CNTNAP2: variants seen among roughly 807,000 people sequenced by gnomAD.
The protein encoded by CNTNAP2 is contactin associated protein 2.
Under a neutral mutation model 155.2 loss-of-function variants are expected in CNTNAP2, and 98 were observed. The ratio of observed to expected loss-of-function variants is 0.63; its 90% CI spans 0.54 to 0.75. The LOEUF (loss-of-function observed/expected upper bound fraction) is 0.75, where lower values mean the gene tolerates loss of function less well. Among genes scored for constraint, CNTNAP2 ranks in the 30% least tolerant of loss-of-function variants. The pLI is 0.00. For synonymous variants in CNTNAP2, 651 were observed against 631.2 expected, an observed-to-expected ratio of 1.03 and a Z score of -0.47; for missense variants, 1,727 against 1,688.1, an observed-to-expected ratio of 1.02 and a Z score of -0.40.
intron 2 of CNTNAP2, among the ~76,000 whole-genome samples, chr7:146,822,660 TATAA>T (rs1233120980): frequency 6.8e-6 from 1 of 147,900 alleles, no homozygotes; most frequent in Admixed American, 6.8e-5. Flanking sequence ...AATATTTAAA[TATAA>T]ATATACTTAT....
At chr7:148,266,622 G>A (rs186987883) in intron 20 of CNTNAP2, among the ~76,000 whole-genome samples, 53 of 152,256 alleles carry the variant, frequency 3.5e-4, no homozygotes, top group Non-Finnish European at 6.3e-4. Context: ...GTGTATGTGT[G>A]TGTGTGTGAT....
intron 14 of CNTNAP2, among the ~76,000 whole-genome samples, chr7:147,909,012 A>G (rs1407993561): frequency 6.6e-6 from 1 of 152,224 alleles, no homozygotes; most frequent in Admixed American, 6.5e-5. Context: ...TGAAAGTTTA[A>G]AATTACAGTG....
chr7:147,364,646 G>A (rs1322355032), intron 9 of CNTNAP2, among the ~76,000 whole-genome samples: 2 of 152,146 alleles, frequency 1.3e-5, no homozygotes, highest in African/African-American at 4.8e-5. Context: ...TCAGGAGATT[G>A]AGACCATCCT....
chr7:147,915,750 C>T (rs1366862579), intron 14 of CNTNAP2, among the ~76,000 whole-genome samples: 12 of 146,318 alleles, frequency 8.2e-5, no homozygotes, highest in African/African-American at 3.0e-4. Flanking sequence ...ATCTGGGTGG[C>T]GGGCGGGGGT....
chr7:147,685,353 G>A (rs1486574681), intron 13 of CNTNAP2, among the ~76,000 whole-genome samples: 2 of 151,934 alleles, frequency 1.3e-5, no homozygotes, highest in Admixed American at 6.6e-5. Context: ...ACCTTCTTAT[G>A]ATTGGAAGGG....
chr7:146,187,769 G>A (rs777708623), intron 1 of CNTNAP2, among the ~76,000 whole-genome samples: 7 of 151,998 alleles, frequency 4.6e-5, no homozygotes, highest in Non-Finnish European at 8.8e-5. Context: ...CTCTTATTCA[G>A]ATTCAGGTTT....
intron 2 of CNTNAP2, among the ~76,000 whole-genome samples, chr7:146,787,505 TTC>T (rs1802595288): frequency 6.6e-6 from 1 of 152,148 alleles, no homozygotes; most frequent in Non-Finnish European, 1.5e-5. Flanking sequence ...TGTTCCTTCC[TTC>T]TGGTGGGTTC....
intron 18 of CNTNAP2, among the ~76,000 whole-genome samples, chr7:148,197,166 T>A (rs1333755087): frequency 6.6e-6 from 1 of 152,210 alleles, no homozygotes; most frequent in Admixed American, 6.5e-5. Context: ...TCAAATAGCA[T>A]TCATCAGTAC....
intron 4 of CNTNAP2, chr7:147,082,801 T>G (rs1421412333): frequency 6.6e-6 from 1 of 152,170 alleles, no homozygotes; most frequent in African/African-American, 2.4e-5. Flanking sequence ...GGAACAGATC[T>G]CAGGAATTAG....
At chr7:147,273,166 CG>C (rs1379139580) in intron 8 of CNTNAP2, among the ~76,000 whole-genome samples, 3 of 152,064 alleles carry the variant, frequency 2.0e-5, no homozygotes, top group Admixed American at 6.5e-5. Context: ...ACAATCTAAA[CG>C]GGCGGGATTG....
chr7:148,138,235 C>A (rs1804997872), intron 16 of CNTNAP2, among the ~76,000 whole-genome samples: 1 of 152,146 alleles, frequency 6.6e-6, no homozygotes, highest in South Asian at 2.1e-4. Flanking sequence ...TATCAGTGTC[C>A]CTATCAAGAT....
At chr7:147,772,016 A>G (rs998506731) in intron 13 of CNTNAP2, among the ~76,000 whole-genome samples, 16 of 152,240 alleles carry the variant, frequency 1.1e-4, no homozygotes, top group African/African-American at 3.6e-4. Flanking sequence ...GACAAAAAAA[A>G]TTTCAGTGAG....
intron 13 of CNTNAP2, among the ~76,000 whole-genome samples, chr7:147,817,630 C>T (rs1314785495): frequency 6.6e-6 from 1 of 151,982 alleles, no homozygotes; most frequent in South Asian, 2.1e-4. Context: ...GAAGGCCGGG[C>T]GTGGTGGCTC....
chr7:146,520,313 C>CATATATATATATAT (rs59563196), intron 1 of CNTNAP2, among the ~76,000 whole-genome samples: 5 of 140,828 alleles, frequency 3.6e-5, no homozygotes, highest in Admixed American at 1.5e-4. Context: ...TAGATATATT[C>CATATATATATATAT]ATATATATAT....
At chr7:147,995,014 A>G (rs73466110) in intron 15 of CNTNAP2, among the ~76,000 whole-genome samples, 10,153 of 152,228 alleles carry the variant, frequency 0.067, 754 homozygotes, top group African/African-American at 0.19. Flanking sequence ...GAAACCAAAC[A>G]CAAGCTTCCA....
intron 1 of CNTNAP2, among the ~76,000 whole-genome samples, chr7:146,739,746 C>T (rs748159226): frequency 6.6e-6 from 1 of 151,892 alleles, no homozygotes; most frequent in Non-Finnish European, 1.5e-5. Context: ...GGTTGTAAAT[C>T]TCCTACTATT....
chr7:147,882,743 C>T (rs933641729), intron 13 of CNTNAP2, among the ~76,000 whole-genome samples: 14 of 151,990 alleles, frequency 9.2e-5, no homozygotes, highest in Admixed American at 7.9e-4. Flanking sequence ...GCTTTTATTA[C>T]TCATTACCCT....
At chr7:147,349,413 G>A (rs1795932210) in intron 9 of CNTNAP2, among the ~76,000 whole-genome samples, 1 of 151,814 alleles carries the variant, frequency 6.6e-6, no homozygotes, top group Admixed American at 6.6e-5. Context: ...CTTTTCATAA[G>A]TTAAACAATA....
chr7:147,640,022 A>T (rs576731146), intron 13 of CNTNAP2, among the ~76,000 whole-genome samples: 4,202 of 152,298 alleles, frequency 0.028, 195 homozygotes, highest in African/African-American at 0.096. Flanking sequence ...CACAGTGGAA[A>T]TAAGTCAAAG....
Sources: allele counts gnomAD v4.1 joint callset (sites outside exome capture counted in the v4.1 genomes callset), GRCh38; gene constraint gnomAD v4.1.1; transcripts MANE v1.5; gene names NCBI Gene and HGNC (gene_info 2026-07-23, HGNC 2026-07-21).